The following DLG2 variants were observed in gnomAD, a reference collection of about 807,000 sequenced individuals.
DLG2 encodes disks large homolog 2.
DLG2 carries 45 observed loss-of-function variants against 132.5 expected under a neutral mutation model. That is an observed-to-expected ratio of 0.34 (90% CI 0.27 to 0.44). The LOEUF (loss-of-function observed/expected upper bound fraction) is 0.44, where lower values mean the gene tolerates loss of function less well. Ranked by LOEUF, DLG2 falls within the 20% of genes least tolerant of loss-of-function variation. The probability of loss-of-function intolerance (pLI) is 1.00; values close to 1 mark genes in which losing one functional copy is unlikely to be tolerated. For synonymous variants in DLG2, 424 were observed against 419.6 expected (o/e 1.01, Z -0.13); for missense variants, 1,045 against 1,196.9 (o/e 0.87, Z 1.87).
intron 3 of DLG2, among the ~76,000 whole-genome samples, chr11:85,442,889 A>C (rs768960228): frequency 2.0e-5 from 3 of 152,046 alleles, no homozygotes; most frequent in Non-Finnish European, 2.9e-5. Flanking sequence ...AAAAAAAGGA[A>C]GAAGGAAGAA....
intron 4 of DLG2, among the ~76,000 whole-genome samples, chr11:85,256,671 T>C (rs960527030): frequency 9.2e-5 from 14 of 152,154 alleles, no homozygotes; most frequent in Admixed American, 2.6e-4. Flanking sequence ...TAAGGGGGTT[T>C]GAGCTCACAT....
At chr11:84,812,342 T>C (rs999095546) in intron 6 of DLG2, among the ~76,000 whole-genome samples, 1 of 152,188 alleles carries the variant, frequency 6.6e-6, no homozygotes, top group African/African-American at 2.4e-5. Flanking sequence ...GCACATACTG[T>C]GTGGATTGAT....
At chr11:83,947,195 A>G (rs1402778879) in intron 14 of DLG2, among the ~76,000 whole-genome samples, 1 of 152,104 alleles carries the variant, frequency 6.6e-6, no homozygotes, top group Non-Finnish European at 1.5e-5. Flanking sequence ...GGAAATCTGA[A>G]TATTTGGGGA....
chr11:84,988,224 T>C (rs900778929), intron 6 of DLG2, among the ~76,000 whole-genome samples: 2 of 152,020 alleles, frequency 1.3e-5, no homozygotes, highest in Admixed American at 6.6e-5. Flanking sequence ...ATGGCCATAA[T>C]CAAAAAATAA....
chr11:84,789,244 C>T (rs2073427606), intron 6 of DLG2, among the ~76,000 whole-genome samples: 1 of 152,156 alleles, frequency 6.6e-6, no homozygotes, highest in Non-Finnish European at 1.5e-5. Flanking sequence ...CCTCCAGTTT[C>T]ACCCAATCTG....
At chr11:85,051,306 A>G (rs2062864689) in intron 6 of DLG2, among the ~76,000 whole-genome samples, 1 of 152,162 alleles carries the variant, frequency 6.6e-6, no homozygotes, top group South Asian at 2.1e-4. Flanking sequence ...TAACTCTGTA[A>G]GAAGATAGAC....
At chr11:83,926,538 A>T (rs1833903479) in intron 15 of DLG2, among the ~76,000 whole-genome samples, 1 of 152,132 alleles carries the variant, frequency 6.6e-6, no homozygotes, top group African/African-American at 2.4e-5. Flanking sequence ...TTATAGTAGC[A>T]TCTTGCACTT....
chr11:84,953,445 G>A (rs1051510375), intron 6 of DLG2, among the ~76,000 whole-genome samples: 1 of 152,088 alleles, frequency 6.6e-6, no homozygotes, highest in Non-Finnish European at 1.5e-5. Flanking sequence ...ATTCCCCACT[G>A]TGCCATACTG....
At chr11:83,663,028 T>C (rs1252073699) in intron 18 of DLG2, among the ~76,000 whole-genome samples, 1 of 152,204 alleles carries the variant, frequency 6.6e-6, no homozygotes, top group African/African-American at 2.4e-5. Flanking sequence ...TAACTAGCAG[T>C]CTTCAAACAA....
At chr11:84,525,746 A>AT (rs1189803841) in intron 7 of DLG2, among the ~76,000 whole-genome samples, 1 of 152,136 alleles carries the variant, frequency 6.6e-6, no homozygotes, top group Non-Finnish European at 1.5e-5. Flanking sequence ...AAGGTCCTTC[A>AT]TTACCTGTTC....
intron 7 of DLG2, among the ~76,000 whole-genome samples, chr11:84,513,972 G>A (rs2099264802): frequency 6.6e-6 from 1 of 151,624 alleles, no homozygotes; most frequent in African/African-American, 2.4e-5. Flanking sequence ...TAATATATAG[G>A]GAGCTCAAAC....
intron 6 of DLG2, among the ~76,000 whole-genome samples, chr11:85,040,888 C>A (rs1019046058): frequency 1.3e-5 from 2 of 151,686 alleles, no homozygotes; most frequent in African/African-American, 4.8e-5. Flanking sequence ...AGTATTATTC[C>A]TATTTTATAG....
chr11:85,219,033 A>G (rs945049295), intron 4 of DLG2, among the ~76,000 whole-genome samples: 1 of 152,162 alleles, frequency 6.6e-6, no homozygotes, highest in African/African-American at 2.4e-5. Context: ...CTGAGCACAC[A>G]TTAACATAAA....
intron 6 of DLG2, among the ~76,000 whole-genome samples, chr11:84,856,380 C>T (rs758666542): frequency 3.3e-5 from 5 of 152,036 alleles, no homozygotes; most frequent in Non-Finnish European, 7.4e-5. Context: ...CATGCAGGTT[C>T]CCTTCAGCCA....
intron 18 of DLG2, among the ~76,000 whole-genome samples, chr11:83,660,868 C>T (rs2074078331): frequency 6.6e-6 from 1 of 152,092 alleles, no homozygotes; most frequent in African/African-American, 2.4e-5. Flanking sequence ...CATCTCATCT[C>T]TCCCCATATG....
intron 6 of DLG2, among the ~76,000 whole-genome samples, chr11:84,836,864 C>CT (rs36091492): frequency 1.3e-5 from 2 of 151,600 alleles, no homozygotes; most frequent in Non-Finnish European, 3.0e-5. Flanking sequence ...AAAGCATATA[C>CT]TTTTTTTTAT....
intron 10 of DLG2, among the ~76,000 whole-genome samples, chr11:84,097,322 C>T (rs1053056255): frequency 9.9e-5 from 15 of 152,216 alleles, no homozygotes; most frequent in African/African-American, 2.6e-4. Context: ...CCTTGGTATC[C>T]GATCAAATTC....
intron 6 of DLG2, among the ~76,000 whole-genome samples, chr11:84,654,588 A>G (rs892840363): frequency 1.3e-5 from 2 of 152,194 alleles, no homozygotes; most frequent in Non-Finnish European, 2.9e-5. Context: ...CCTGTCATTT[A>G]TACCATTTTT....
intron 7 of DLG2, among the ~76,000 whole-genome samples, chr11:84,523,852 T>C (rs2099311992): frequency 6.6e-6 from 1 of 152,206 alleles, no homozygotes; most frequent in Non-Finnish European, 1.5e-5. Context: ...TAAACACTTA[T>C]TTTTAAAACT....
Sources: gnomAD v4.1 joint callset for allele counts (sites outside exome capture counted in the v4.1 genomes callset) on GRCh38, gnomAD v4.1.1 for gene constraint, MANE v1.5 for transcripts, NCBI Gene and HGNC (gene_info 2026-07-23, HGNC 2026-07-21) for gene names.